Variants in RELN observed in about 807,000 individuals in gnomAD.
The protein encoded by RELN is reelin.
RELN carries 108 observed loss-of-function variants against 427.6 expected under a neutral mutation model. That is an observed-to-expected ratio of 0.25 (90% confidence interval 0.22 to 0.30). The LOEUF is 0.30. Among genes scored for constraint, RELN ranks in the 10% least tolerant of loss-of-function variants. The pLI is 1.00. For synonymous variants in RELN, 1,524 were observed against 1,513.4 expected, an observed-to-expected ratio of 1.01 and a Z score of -0.16; for missense variants, 3,715 against 4,302.8, an observed-to-expected ratio of 0.86 and a Z score of 3.82.
intron 11 of RELN, among the ~76,000 whole-genome samples, chr7:103,665,346 G>T (rs1431272286): frequency 7.8e-6 from 1 of 128,946 alleles, no homozygotes; most frequent in African/African-American, 3.2e-5. Flanking sequence ...TGGTGTGTGT[G>T]TGTGTGTGTG....
chr7:103,830,355 A>G (rs912888340), intron 3 of RELN, among the ~76,000 whole-genome samples: 40 of 151,932 alleles, frequency 2.6e-4, no homozygotes, highest in Admixed American at 1.1e-3. Flanking sequence ...TGAGTTAACT[A>G]GTAATATCAA....
rs774752942 is a variant in RELN, at chr7:103,566,403, G to A, written c.4757C>T (p.Ser1586Leu). The A allele has an allele frequency of 2.5e-6, 4 of 1,614,034 alleles. No individual in the cohort carries two copies. The highest frequency in any genetic ancestry group is 3.4e-6 in the Non-Finnish European group (4 of 1,179,902). The change falls in exon 33 of 65, where the codon TCA (serine) becomes TTA (leucine). Residue 1586 changes from serine to leucine, a missense_variant. This residue lies in a region of RELN where 2,208 missense variants were observed against 2,361.7 expected (regional missense o/e 0.93). Transcript: ENST00000428762. ...RWWQPQHGKH[S>L]AQWALDDVLI... ...AACATCATCCAAAGCCCACTGGGCT[G>A]AATGCTTCCCTGCAATCAGATGAAT...
At chr7:103,804,240 A>G (rs565935339) in intron 3 of RELN, among the ~76,000 whole-genome samples, 2 of 152,294 alleles carry the variant, frequency 1.3e-5, no homozygotes, top group South Asian at 4.1e-4. Flanking sequence ...TCAAGTACAT[A>G]TAAGAATTAT....
At chr7:103,975,641 G>A (rs1481787930) in intron 1 of RELN, among the ~76,000 whole-genome samples, 1 of 151,304 alleles carries the variant, frequency 6.6e-6, no homozygotes, top group African/African-American at 2.4e-5. Context: ...CGCCTCCCGG[G>A]TTCACGCCAT....
intron 1 of RELN, among the ~76,000 whole-genome samples, chr7:103,981,609 A>C (rs1796991525): frequency 6.6e-6 from 1 of 152,242 alleles, no homozygotes; most frequent in South Asian, 2.1e-4. Context: ...GCATTCAGCT[A>C]CAAGTAACAG....
In RELN at chr7:103,535,300, G is replaced by C. The variant is rs1830024527; in HGVS notation, c.7349+16C>G. On this transcript the variant is annotated intron_variant, in intron 46 of 64. Coordinates refer to ENST00000428762, the MANE Select transcript of RELN (RefSeq NM_005045.4). ...ATACGTAGAAGCATGTGGTGAACAT[G>C]TAGAAGCATTCTTACCTGGTATAAG... The C allele has an allele frequency of 6.2e-7, 1 of 1,612,844 alleles. No individual in the cohort carries two copies. Among genetic ancestry groups the C allele is most frequent in the Non-Finnish European group, 8.5e-7 (1 of 1,179,008 alleles).
In RELN at chr7:103,876,395, A is replaced by G. The variant is rs187400431; in HGVS notation, c.337+40680T>C. 4.3e-4 allele frequency among the ~76,000 whole-genome samples: 66 copies of G among 152,278 alleles called. 1 individual carries two copies. The highest frequency in any genetic ancestry group is 1.3e-3 in the African/African-American group (55 of 41,570). On this transcript the variant is annotated intron_variant, in intron 2 of 64. Coordinates refer to ENST00000428762, the MANE Select transcript of RELN (RefSeq NM_005045.4). Reference sequence around the variant, plus strand: ...AAGCTCTGAACACACACACAAATAAAATTACTATTTTCCTCAATCACAGTT... The same window carrying G: ...AAGCTCTGAACACACACACAAATAAGATTACTATTTTCCTCAATCACAGTT...
In RELN at chr7:103,611,103, C is replaced by T. The variant is rs536467086; in HGVS notation, c.2896-296G>A. Among the ~76,000 whole-genome samples the T allele has an allele frequency of 1.5e-4, 23 of 152,260 alleles. No homozygotes were observed. In the South Asian group the frequency reaches 3.9e-3, roughly 26 times the overall value. On this transcript the variant is annotated intron_variant, in intron 21 of 64. Transcript: ENST00000428762. The stretch of plus-strand genomic sequence containing the variant: ...AGGATTCTGTTTTTAGGCCTGTTAT[C>T]GTAACACTGGCATTTGGTAAAAATT...
At chr7:103,568,418 T>C (rs362806) in intron 31 of RELN, among the ~76,000 whole-genome samples, 27,981 of 152,112 alleles carry the variant, frequency 0.18, 3,143 homozygotes, top group East Asian at 0.4. Context: ...AGGATGAAAA[T>C]ATGTTCAAAT....
Position 103,955,537 on chromosome 7 carries a change from T to C in RELN, c.226+33594A>G, listed in dbSNP as rs564228936. 1.2e-4 allele frequency among the ~76,000 whole-genome samples: 18 copies of C among 152,310 alleles called. No individual in the cohort carries two copies. The South Asian group carries it at 1.9e-3, about 16-fold the overall frequency. The stretch of plus-strand genomic sequence containing the variant: ...TTCAATACCAGGACTTACAACCTTC[T>C]CCAGTTCTAGAAAATCATCTGCTAG... On this transcript the variant is annotated intron_variant, in intron 1 of 64. Coordinates refer to ENST00000428762, the MANE Select transcript of RELN (RefSeq NM_005045.4).
intron 11 of RELN, among the ~76,000 whole-genome samples, chr7:103,671,247 T>C (rs1326831752): frequency 6.6e-6 from 1 of 152,084 alleles, no homozygotes. Flanking sequence ...ACAGCTTAGG[T>C]GAAGGTAAAA....
chr7:103,640,234 C>T lies in RELN; in HGVS notation c.2069+309G>A, dbSNP rs1031204159. On this transcript the variant is annotated intron_variant, in intron 17 of 64. Transcript: ENST00000428762. This position sits in a 1 kb window ranked among gnomAD's most constrained non-coding sequence, Gnocchi z 4.1. ...GAATTACAATGTGACTCATGAACAC[C>T]CGAACAAGTTTATGGAAAAGGATGT... 2.6e-5 allele frequency among the ~76,000 whole-genome samples: 4 copies of T among 152,002 alleles called. No homozygotes were observed. Among genetic ancestry groups the T allele is most frequent in the African/African-American group, 7.3e-5 (3 of 41,368 alleles).
At chr7:103,965,798 G>GTT (rs1796648877) in intron 1 of RELN, among the ~76,000 whole-genome samples, 2 of 151,762 alleles carry the variant, frequency 1.3e-5, no homozygotes, top group African/African-American at 4.8e-5. Context: ...TTCAACATTT[G>GTT]GAAAAGATTT....
Position 103,610,791 on chromosome 7 carries a change from A to C in RELN, c.2912T>G (p.Met971Arg). The C allele has an allele frequency of 1.9e-6, 3 of 1,607,230 alleles. No homozygotes were observed. Among genetic ancestry groups the C allele is most frequent in the East Asian group, 2.2e-5 (1 of 44,794 alleles). Reference sequence around the variant, plus strand: ...TGATGTAAATTCCTGACAACTTGGCATACTTGGAAGGCATTCCTGAAAGAA... The same window carrying C: ...TGATGTAAATTCCTGACAACTTGGCCTACTTGGAAGGCATTCCTGAAAGAA... ...HLVQEECLPS[M>R]PSCQEFTSAS... The change falls in exon 22 of 65, where the codon ATG (methionine) becomes AGG (arginine). Residue 971 changes from methionine to arginine, a missense_variant. Physicochemically the swap from Met to Arg is moderately conservative, Grantham distance 91. This residue lies in a region of RELN where 2,208 missense variants were observed against 2,361.7 expected (regional missense o/e 0.93). Transcript: ENST00000428762.
chr7:103,782,924 A>G (rs1791928668), intron 3 of RELN, among the ~76,000 whole-genome samples: 1 of 152,060 alleles, frequency 6.6e-6, no homozygotes, highest in South Asian at 2.1e-4. Flanking sequence ...ATATTAGTTG[A>G]CTTGTCCATT....
At chr7:103,740,311 A>G (rs1183226880) in intron 6 of RELN, among the ~76,000 whole-genome samples, 1 of 152,248 alleles carries the variant, frequency 6.6e-6, no homozygotes, top group Non-Finnish European at 1.5e-5. Context: ...TTGTGTAAGC[A>G]TGAACAATTT....
Position 103,522,105 on chromosome 7 carries a change from G to C in RELN, c.7585C>G (p.Gln2529Glu). The C allele has an allele frequency of 6.2e-7, 1 of 1,614,018 alleles. No individual in the cohort carries two copies. The highest frequency in any genetic ancestry group is 1.1e-5 in the South Asian group (1 of 91,042). Residue 2529 changes from glutamine (Q) to glutamate (E), a missense_variant, in exon 48 of 65, where the codon CAG becomes GAG. Physicochemically the swap from Gln to Glu is conservative, Grantham distance 29. Transcript: ENST00000428762. ...KDNFNRAPSS[Q>E]NWLTVNGGKL... ...CCTCCGTTCACAGTCAGCCAGTTCT[G>C]ACTGGATGGAGCTCGATTGAAGTTG...
Position 103,760,458 on chromosome 7 carries a change from T to C in RELN, c.545-7244A>G, listed in dbSNP as rs374806722. ...CTTATTTTGGATGGAAATTTTAAAG[T>C]AATCATCTGACTCCAAAATATAGCA... On this transcript the variant is annotated intron_variant, in intron 4 of 64. Coordinates refer to ENST00000428762, the MANE Select transcript of RELN (RefSeq NM_005045.4). Among the ~76,000 whole-genome samples the C allele has an allele frequency of 1.3e-4, 20 of 152,082 alleles. No homozygotes were observed. In the East Asian group the frequency reaches 2.1e-3, roughly 16 times the overall value.
At chr7:103,946,805 A>C (rs1368567156) in intron 1 of RELN, among the ~76,000 whole-genome samples, 1 of 152,204 alleles carries the variant, frequency 6.6e-6, no homozygotes, top group Non-Finnish European at 1.5e-5. Context: ...CAGATGCAAA[A>C]AGATAATAAA....
Sources: gnomAD v4.1 joint callset for allele counts (sites outside exome capture counted in the v4.1 genomes callset) on GRCh38, gnomAD v4.1.1 for gene constraint, gnomAD v4.1.1 regional missense constraint, Gnocchi (gnomAD v3.1) non-coding constraint, MANE v1.5 for transcripts, NCBI Gene and HGNC (gene_info 2026-07-23, HGNC 2026-07-21) for gene names.